CREB5: variants seen among roughly 807,000 people sequenced by gnomAD.
The protein encoded by CREB5 is cAMP responsive element binding protein 5.
A neutral mutation model predicts 57.1 loss-of-function variants in CREB5; 19 were observed. The ratio of observed to expected loss-of-function variants is 0.33; its 90% confidence interval spans 0.23 to 0.49. CREB5 has a LOEUF of 0.49. Ranked by LOEUF, CREB5 falls within the 20% of genes least tolerant of loss-of-function variation. The pLI, the probability that CREB5 is intolerant of heterozygous loss-of-function variation, is 0.99. For missense variants in CREB5, 579 were observed against 671.6 expected (o/e 0.86, Z 1.52); for synonymous variants, 238 against 238.3 (o/e 1.00, Z 0.01).
rs561660912 is a variant in CREB5 at position 28,380,558 on chromosome 7, A to G, written c.-25+81117A>G. 4.6e-5 allele frequency among the ~76,000 whole-genome samples: 7 copies of G among 152,350 alleles called. No individual in the cohort carries two copies. The South Asian group carries it at 1.4e-3, about 32-fold the overall frequency. ...CTTTGAGAAAAAGAAGGTAAACATC[A>G]GTATGCAATTAGAAGTGAGTGGAAG... On this transcript the variant is annotated intron_variant, in intron 1 of 9. Transcript: ENST00000396299.
intron 1 of CREB5, among the ~76,000 whole-genome samples, chr7:28,469,370 C>T (rs935211772): frequency 1.3e-5 from 2 of 152,082 alleles, no homozygotes; most frequent in African/African-American, 2.4e-5. Flanking sequence ...AGAGTGATGG[C>T]AAAGGAAGTG....
intron 7 of CREB5, among the ~76,000 whole-genome samples, chr7:28,792,378 C>T (rs886406214): frequency 6.6e-6 from 1 of 151,262 alleles, no homozygotes; most frequent in Non-Finnish European, 1.5e-5. Flanking sequence ...AACTCTGAAA[C>T]TAGAAGAAAG....
At chr7:28,311,292 T>G (rs763435437) in intron 1 of CREB5, among the ~76,000 whole-genome samples, 17 of 152,192 alleles carry the variant, frequency 1.1e-4, no homozygotes, top group Non-Finnish European at 2.4e-4. Flanking sequence ...GCAGGTACTC[T>G]TTCTATCTCT....
At chr7:28,560,889 T>TGTGTGC (rs1562797522) in intron 4 of CREB5, among the ~76,000 whole-genome samples, 843 of 18,000 alleles carry the variant, frequency 0.047, 80 homozygotes, top group East Asian at 0.15. Flanking sequence ...CGTGCGTGCG[T>TGTGTGC]GTGTGTGCGT....
At chr7:28,730,844 G>T (rs1803580731) in intron 7 of CREB5, among the ~76,000 whole-genome samples, 1 of 152,080 alleles carries the variant, frequency 6.6e-6, no homozygotes, top group African/African-American at 2.4e-5. Flanking sequence ...GGTTTTCTTT[G>T]ATTTTTGTCC....
chr7:28,686,402 CT>C (rs1427229004), intron 5 of CREB5, among the ~76,000 whole-genome samples: 2 of 150,718 alleles, frequency 1.3e-5, no homozygotes, highest in Admixed American at 1.3e-4. Context: ...AGAGGCATTT[CT>C]TTTCACTTCG....
chr7:28,479,559 C>G (rs982926479), intron 1 of CREB5, among the ~76,000 whole-genome samples: 12 of 152,170 alleles, frequency 7.9e-5, no homozygotes, highest in African/African-American at 2.9e-4. Context: ...AATGTTCACA[C>G]ACTTGACATT....
At chr7:28,512,509 A>C (rs1792752041) in intron 4 of CREB5, among the ~76,000 whole-genome samples, 1 of 152,232 alleles carries the variant, frequency 6.6e-6, no homozygotes, top group African/African-American at 2.4e-5. Flanking sequence ...ATGTTAGAGG[A>C]AAGAAAAACA....
chr7:28,395,158 A>G (rs1227360851), intron 1 of CREB5, among the ~76,000 whole-genome samples: 2 of 152,214 alleles, frequency 1.3e-5, no homozygotes, highest in Non-Finnish European at 2.9e-5. Context: ...TCATTTAAAC[A>G]AAAACCATTT....
chr7:28,730,789 G>A (rs1203840881), intron 7 of CREB5, among the ~76,000 whole-genome samples: 1 of 152,172 alleles, frequency 6.6e-6, no homozygotes. Context: ...GAGGTTAAGT[G>A]ACTTTTCCAG....
intron 5 of CREB5, among the ~76,000 whole-genome samples, chr7:28,630,983 T>C (rs1177314542): frequency 6.6e-6 from 1 of 152,124 alleles, no homozygotes; most frequent in Non-Finnish European, 1.5e-5. Flanking sequence ...TAATAACCTA[T>C]CCAGAATTAC....
At chr7:28,667,937 A>G (rs1292434368) in intron 5 of CREB5, among the ~76,000 whole-genome samples, 1 of 152,226 alleles carries the variant, frequency 6.6e-6, no homozygotes, top group Non-Finnish European at 1.5e-5. Flanking sequence ...GAATATTTAC[A>G]TTATGTGAGA....
At chr7:28,549,052 A>G (rs1236468320) in intron 4 of CREB5, among the ~76,000 whole-genome samples, 1 of 152,236 alleles carries the variant, frequency 6.6e-6, no homozygotes, top group East Asian at 1.9e-4. Flanking sequence ...TTACTTCCTA[A>G]TGGAATACAT....
At chr7:28,365,302 C>A (rs1046563487) in intron 1 of CREB5, among the ~76,000 whole-genome samples, 2 of 152,130 alleles carry the variant, frequency 1.3e-5, no homozygotes, top group Non-Finnish European at 2.9e-5. Context: ...ATGGTACTGG[C>A]GTCTATACCC....
chr7:28,613,778 G>A (rs59077973), intron 5 of CREB5, among the ~76,000 whole-genome samples: 299 of 152,182 alleles, frequency 2.0e-3, no homozygotes, highest in African/African-American at 6.1e-3. Context: ...AATGGCCTCC[G>A]CGGTAATTCA....
chr7:28,389,901 C>T (rs1163131224), intron 1 of CREB5, among the ~76,000 whole-genome samples: 1 of 152,136 alleles, frequency 6.6e-6, no homozygotes, highest in Non-Finnish European at 1.5e-5. Flanking sequence ...CGATAACACA[C>T]TGTATGCCCT....
chr7:28,662,272 T>C (rs151251468), intron 5 of CREB5, among the ~76,000 whole-genome samples: 287 of 152,322 alleles, frequency 1.9e-3, no homozygotes, highest in Middle Eastern at 6.8e-3. Flanking sequence ...TAACATGGTT[T>C]GGACAAGACG....
In CREB5 at chr7:28,500,866, T is replaced by G. The variant is rs1383342702; in HGVS notation, c.169+5867T>G. Among the ~76,000 whole-genome samples the G allele has an allele frequency of 4.6e-5, 7 of 152,246 alleles. No homozygotes were observed. The East Asian group carries it at 1.4e-3, about 29-fold the overall frequency. ...CGTGACCCATACTTACCTCTTCTTC[T>G]TGGCAATTCCATTGATAGTAAAGGT... On this transcript the variant is annotated intron_variant, in intron 3 of 10. Transcript: ENST00000357727.
At chr7:28,631,524 C>T (rs1458417474) in intron 5 of CREB5, among the ~76,000 whole-genome samples, 3 of 152,126 alleles carry the variant, frequency 2.0e-5, no homozygotes, top group African/African-American at 7.2e-5. Flanking sequence ...GTACACACTG[C>T]AGATGAAAGA....
Sources: gnomAD v4.1 joint callset for allele counts (sites outside exome capture counted in the v4.1 genomes callset) on GRCh38, gnomAD v4.1.1 for gene constraint, MANE v1.5 for transcripts, NCBI Gene and HGNC (gene_info 2026-07-23, HGNC 2026-07-21) for gene names.